Variants in ARAP2 observed in about 807,000 individuals in gnomAD.
ARAP2 encodes ArfGAP with RhoGAP domain, ankyrin repeat and PH domain 2, also known as arf-GAP with Rho-GAP domain, ANK repeat and PH domain-containing protein 2.
In ARAP2, 148 loss-of-function variants were observed where a neutral mutation model predicts 194.5. That is an observed-to-expected ratio of 0.76 (90% CI 0.67 to 0.87). The LOEUF (loss-of-function observed/expected upper bound fraction) is 0.87, where lower values mean the gene tolerates loss of function less well. ARAP2 is among the 40% of genes least tolerant of loss of function. The probability of loss-of-function intolerance (pLI) is 0.00; values close to 1 mark genes in which losing one functional copy is unlikely to be tolerated. For synonymous variants in ARAP2, 695 were observed against 683.5 expected, an observed-to-expected ratio of 1.02 and a Z score of -0.26; for missense variants, 2,128 against 1,989.7, an observed-to-expected ratio of 1.07 and a Z score of -1.32.
intron 6 of ARAP2, among the ~76,000 whole-genome samples, chr4:36,206,622 G>T (rs1261413025): frequency 6.6e-6 from 1 of 152,208 alleles, no homozygotes; most frequent in African/African-American, 2.4e-5. Flanking sequence ...GGTAACCTCA[G>T]GACTCTGTAT....
At chr4:36,132,897 AG>A (rs1373898234) in intron 20 of ARAP2, among the ~76,000 whole-genome samples, 1 of 151,806 alleles carries the variant, frequency 6.6e-6, no homozygotes, top group Non-Finnish European at 1.5e-5. Flanking sequence ...AATCTCTGAA[AG>A]ATAGTCTTCA....
At chr4:36,024,092 T>A (rs1050592825) in intron 5 of ARAP2, among the ~76,000 whole-genome samples, 1 of 152,172 alleles carries the variant, frequency 6.6e-6, no homozygotes, top group South Asian at 2.1e-4. Flanking sequence ...GTAACTCTTT[T>A]CTTCATGTGA....
At chr4:36,172,931 C>T (rs991669017) in intron 9 of ARAP2, among the ~76,000 whole-genome samples, 8 of 152,136 alleles carry the variant, frequency 5.3e-5, no homozygotes, top group African/African-American at 1.9e-4. Flanking sequence ...AACCCATCGC[C>T]CTATGAGGTC....
intron 27 of ARAP2, among the ~76,000 whole-genome samples, chr4:36,099,085 G>T: frequency 6.7e-6 from 1 of 149,114 alleles, no homozygotes; most frequent in East Asian, 2.0e-4. Context: ...GGTGTGTGTT[G>T]TTCCCCCACC....
chr4:36,014,295 A>AAGAAAGAAAGAAAGAAAGAAG lies in ARAP2; in HGVS notation n.1056+1090_1056+1091insCTTCTTTCTTTCTTTCTTTCT, dbSNP rs1553861836. ...AAAGAAAGAAAGAAAGAAAGAAAGA[A>AAGAAAGAAAGAAAGAAAGAAG]AGAAGAGAAGGAAGGAAAGAAAGAA... On this transcript the variant is annotated intron_variant and non_coding_transcript_variant, in intron 8 of 12. Coordinates refer to the ARAP2 transcript ENST00000503225. Among the ~76,000 whole-genome samples the AAGAAAGAAAGAAAGAAAGAAG allele has an allele frequency of 1.1e-4, 16 of 143,354 alleles. 1 individual carries two copies. The highest frequency in any genetic ancestry group is 4.4e-4 in the African/African-American group (16 of 36,734). 94.0% of individuals were successfully genotyped at this position (143,354 alleles called of 152,430 possible). A position where few individuals can be genotyped will look rare whatever the true frequency, so the allele number is the denominator to read the frequency against.
At chr4:36,068,675 A>G (rs1451726550) in intron 32 of ARAP2, among the ~76,000 whole-genome samples, 1 of 152,230 alleles carries the variant, frequency 6.6e-6, no homozygotes, top group Non-Finnish European at 1.5e-5. Context: ...CATGAGGGTG[A>G]AAAACTGATA....
chr4:36,014,229 GA>G lies in ARAP2; in HGVS notation n.1056+1156del, dbSNP rs1715127041. Among the ~76,000 whole-genome samples, 166 of 31,076 alleles carry G rather than the reference GA, an allele frequency of 5.3e-3. 6 individuals carry two copies. Among genetic ancestry groups the G allele is most frequent in the African/African-American group, 6.7e-3 (103 of 15,486 alleles). The allele number at this position is 31,076 out of a possible 152,430, so 20.4% of individuals were successfully genotyped here. On this transcript the variant is annotated intron_variant and non_coding_transcript_variant, in intron 8 of 12. Transcript: ENST00000503225. ...GTGACAAAGTGAGACCCTATCGAAA[GA>G]AAGAAAGAAAGAAAGAAAGAAAGAA...
chr4:36,206,137 A>G (rs6531420), intron 6 of ARAP2, among the ~76,000 whole-genome samples: 135,280 of 152,048 alleles, frequency 0.89, 60,363 homozygotes, highest in East Asian at 1. Context: ...AGCCAGGTGG[A>G]GAACTGTTCC....
chr4:36,122,414 C>T (rs1722875593), intron 22 of ARAP2, among the ~76,000 whole-genome samples: 1 of 151,778 alleles, frequency 6.6e-6, no homozygotes, highest in Non-Finnish European at 1.5e-5. Flanking sequence ...TACATAAACA[C>T]CATGGAATAC....
chr4:36,208,521 C>T (rs140472123), intron 6 of ARAP2, among the ~76,000 whole-genome samples: 1 of 152,320 alleles, frequency 6.6e-6, no homozygotes, highest in Non-Finnish European at 1.5e-5. Flanking sequence ...GCGCTATCTG[C>T]ATCAAAGAGA....
In ARAP2 at chr4:36,179,406, A is replaced by G. The variant is rs1738707365; in HGVS notation, c.1679-1401T>C. Among the ~76,000 whole-genome samples, 6 of 152,238 alleles carry G rather than the reference A, an allele frequency of 3.9e-5. No individual in the cohort carries two copies. In the South Asian group the frequency reaches 1.0e-3, roughly 26 times the overall value. On this transcript the variant is annotated intron_variant, in intron 8 of 32. Transcript: ENST00000303965. ...CGAAGAAGGAGAATCCAATTAGTTA[A>G]CAGAACAACCTCAGGTTTTCAGTGC...
At chr4:36,049,690 T>C (rs1016601546) in intron 3 of ARAP2, among the ~76,000 whole-genome samples, 9 of 152,164 alleles carry the variant, frequency 5.9e-5, no homozygotes, top group Non-Finnish European at 1.2e-4. Context: ...AGCCAATGCA[T>C]AACCTAGTAC....
chr4:36,030,797 GTTTTTTTTT>G (rs34777330), intron 5 of ARAP2, among the ~76,000 whole-genome samples: 1 of 16,082 alleles, frequency 6.2e-5, no homozygotes, highest in African/African-American at 1.0e-4. Context: ...CATTGTCTAC[GTTTTTTTTT>G]TTTTTTTTTT....
intron 6 of ARAP2, among the ~76,000 whole-genome samples, chr4:36,209,790 A>T (rs1324356548): frequency 2.0e-5 from 3 of 152,214 alleles, no homozygotes; most frequent in Non-Finnish European, 4.4e-5. Context: ...TTCCCTAAAG[A>T]TTTCTCAGTA....
At chr4:36,240,568 G>A (rs1231553224) in intron 1 of ARAP2, among the ~76,000 whole-genome samples, 1 of 152,158 alleles carries the variant, frequency 6.6e-6, no homozygotes, top group Non-Finnish European at 1.5e-5. Flanking sequence ...GTTGTCATTT[G>A]TAAGCAGGGA....
At chr4:36,215,540 T>C (rs1747747091) in intron 2 of ARAP2, among the ~76,000 whole-genome samples, 1 of 152,204 alleles carries the variant, frequency 6.6e-6, no homozygotes, top group Admixed American at 6.5e-5. Flanking sequence ...GAAAGATTCC[T>C]TAAATAGAAT....
chr4:36,035,110 G>A (rs1471252266), intron 5 of ARAP2, among the ~76,000 whole-genome samples: 24 of 152,152 alleles, frequency 1.6e-4, no homozygotes, highest in African/African-American at 5.3e-4. Context: ...AGAATGAGCT[G>A]GGGAGGAGTT....
intron 7 of ARAP2, among the ~76,000 whole-genome samples, chr4:36,191,717 T>A (rs1222641350): frequency 1.3e-5 from 2 of 152,090 alleles, no homozygotes; most frequent in Non-Finnish European, 2.9e-5. Context: ...CCCTTGAGCC[T>A]GTAACACACA....
intron 8 of ARAP2, among the ~76,000 whole-genome samples, chr4:36,185,562 G>A (rs1024569304): frequency 3.9e-5 from 6 of 151,988 alleles, no homozygotes; most frequent in Non-Finnish European, 7.4e-5. Context: ...TGCTTTTTAT[G>A]TGCTATGCAC....
Sources: allele counts gnomAD v4.1 joint callset (sites outside exome capture counted in the v4.1 genomes callset), GRCh38; gene constraint gnomAD v4.1.1; transcripts MANE v1.5; gene names NCBI Gene and HGNC (gene_info 2026-07-23, HGNC 2026-07-21).